ACOT7: variants seen among roughly 807,000 people sequenced by gnomAD.
ACOT7 encodes the protein cytosolic acyl coenzyme A thioester hydrolase.
ACOT7 carries 12 observed loss-of-function variants against 40.2 expected under a neutral mutation model. The observed-to-expected ratio is 0.30, with a 90% confidence interval of 0.19 to 0.48. The LOEUF is 0.48. Among genes scored for constraint, ACOT7 ranks in the 20% least tolerant of loss-of-function variants. The pLI is 0.99. For synonymous variants in ACOT7, 228 were observed against 219.5 expected, an observed-to-expected ratio of 1.04 and a Z score of -0.34; for missense variants, 395 against 530.8, an observed-to-expected ratio of 0.74 and a Z score of 2.51.
intron 5 of ACOT7, among the ~76,000 whole-genome samples, chr1:6,326,868 G>A (rs1167014412): frequency 6.6e-6 from 1 of 151,232 alleles, no homozygotes; most frequent in Non-Finnish European, 1.5e-5. Flanking sequence ...GGAGGCAGAG[G>A]CTGCAGTGAG....
intron 1 of ACOT7, among the ~76,000 whole-genome samples, chr1:6,364,120 G>A (rs1463055372): frequency 2.0e-5 from 3 of 152,208 alleles, no homozygotes; most frequent in Non-Finnish European, 4.4e-5. Context: ...GGGAGGCTGA[G>A]GCAGGAGGAT....
chr1:6,265,427 C>A (rs1203964252), intron 8 of ACOT7, among the ~76,000 whole-genome samples: 2 of 152,186 alleles, frequency 1.3e-5, no homozygotes, highest in East Asian at 3.9e-4. Flanking sequence ...TGGGAGGGAG[C>A]CCTGTCACCA....
At chr1:6,360,025 TA>T (rs931397188) in intron 1 of ACOT7, among the ~76,000 whole-genome samples, 12 of 152,350 alleles carry the variant, frequency 7.9e-5, no homozygotes, top group Middle Eastern at 3.4e-3. Context: ...GTCACTCTGG[TA>T]AAAGTTAAAT....
intron 8 of ACOT7, among the ~76,000 whole-genome samples, chr1:6,273,367 T>A (rs558294770): frequency 1.8e-4 from 27 of 152,332 alleles, no homozygotes; most frequent in African/African-American, 6.3e-4. Context: ...CCACCGGATG[T>A]TCCTAAGCGC....
rs142944578 is a variant in ACOT7 at position 6,327,710 on chromosome 1, T to C, written c.511-297A>G. On this transcript the variant is annotated intron_variant, in intron 4 of 8. Coordinates refer to ENST00000361521, the MANE Select transcript of ACOT7 (RefSeq NM_007274.4). ...TGTATGTGGAGCTTAAAAGCAACCGTGTATCTATTTAACGTAATTTTTGTA... is the reference window on the plus strand; with the variant it reads ...TGTATGTGGAGCTTAAAAGCAACCGCGTATCTATTTAACGTAATTTTTGTA... Among the ~76,000 whole-genome samples, 848 of 152,254 alleles carry C rather than the reference T, an allele frequency of 5.6e-3. 4 individuals are homozygous for C. The highest frequency in any genetic ancestry group is 0.02 in the Middle Eastern group (6 of 294).
intron 5 of ACOT7, among the ~76,000 whole-genome samples, chr1:6,321,278 T>C (rs939079968): frequency 1.7e-4 from 26 of 152,280 alleles, no homozygotes; most frequent in Non-Finnish European, 3.4e-4. Flanking sequence ...AGTCAAAAGC[T>C]TTTTTTCAGT....
rs1023415696 is a variant in ACOT7, at chr1:6,275,514, C to T, written c.1014+5588G>A. On this transcript the variant is annotated intron_variant, in intron 8 of 8. Transcript: ENST00000361521. This position sits in a 1 kb window ranked among gnomAD's most constrained non-coding sequence, Gnocchi z 5.6. The stretch of plus-strand genomic sequence containing the variant: ...TTGGGAGGCCGAGGCAGGTGGATCA[C>T]GAGACCAGCCTGGCCAACATGGTGA... Among the ~76,000 whole-genome samples, 30 of 152,126 alleles carry T rather than the reference C, an allele frequency of 2.0e-4. No homozygotes were observed. The highest frequency in any genetic ancestry group is 6.0e-4 in the African/African-American group (25 of 41,510).
intron 1 of ACOT7, among the ~76,000 whole-genome samples, chr1:6,390,343 G>A (rs990942028): frequency 5.9e-5 from 9 of 152,088 alleles, no homozygotes; most frequent in African/African-American, 2.4e-5. Flanking sequence ...AGGCCGAGGC[G>A]GGCAGATCAT....
At chr1:6,334,488 A>G (rs1641046683) in intron 3 of ACOT7, among the ~76,000 whole-genome samples, 1 of 152,266 alleles carries the variant, frequency 6.6e-6, no homozygotes, top group African/African-American at 2.4e-5. Flanking sequence ...AGCCCAAAGC[A>G]CAGAGCAGCG....
chr1:6,325,141 G>C lies in ACOT7; in HGVS notation c.625+2158C>G, dbSNP rs111550081. Among the ~76,000 whole-genome samples the C allele has an allele frequency of 8.2e-3, 1,248 of 152,338 alleles. 8 individuals are homozygous for C. Among genetic ancestry groups the C allele is most frequent in the South Asian group, 0.017 (80 of 4,830 alleles). On this transcript the variant is annotated intron_variant, in intron 5 of 8. Transcript: ENST00000361521. ...CAGCCGGGCGCAGTGGCTCACGTCT[G>C]TAATCCCAGCTCTTTGGGAGGCCGA...
chr1:6,315,787 G>A (rs1490290626), intron 6 of ACOT7, among the ~76,000 whole-genome samples: 2 of 146,144 alleles, frequency 1.4e-5, no homozygotes, highest in Non-Finnish European at 1.5e-5. Flanking sequence ...AAAGAGAGAA[G>A]GTTAAGCTTG....
chr1:6,323,130 C>CA (rs913853563), intron 5 of ACOT7, among the ~76,000 whole-genome samples: 61 of 144,926 alleles, frequency 4.2e-4, no homozygotes, highest in East Asian at 1.6e-3. Flanking sequence ...AACGCCGTCT[C>CA]AAAAAAAAAA....
At chr1:6,337,495 C>T (rs1030660503) in intron 3 of ACOT7, among the ~76,000 whole-genome samples, 5 of 152,342 alleles carry the variant, frequency 3.3e-5, no homozygotes, top group South Asian at 4.1e-4. Context: ...CATCCACTAT[C>T]GGTTCCATAT....
At position 6,278,080 on chromosome 1, in the gene ACOT7, G is replaced by C. The variant is rs534447470; in HGVS notation, c.1014+3022C>G. Among the ~76,000 whole-genome samples the C allele has an allele frequency of 1.3e-3, 203 of 150,818 alleles. No homozygotes were observed. Among genetic ancestry groups the C allele is most frequent in the African/African-American group, 4.7e-3 (194 of 40,968 alleles). On this transcript the variant is annotated intron_variant, in intron 8 of 8. Coordinates refer to ENST00000361521, the MANE Select transcript of ACOT7 (RefSeq NM_007274.4). This position sits in a 1 kb window ranked among gnomAD's most constrained non-coding sequence, Gnocchi z 4.1. ...TGACAGTCCACGCAGCGTCTGCAGT[G>C]GCGGGGGGTGGTTGGGAGGGGGTCT...
chr1:6,304,365 G>A (rs1438584968), intron 6 of ACOT7, among the ~76,000 whole-genome samples: 4 of 146,564 alleles, frequency 2.7e-5, no homozygotes, highest in South Asian at 4.3e-4. Flanking sequence ...ACCCCCATCC[G>A]ACCCGTACAC....
chr1:6,389,674 C>T (rs1642500991), intron 1 of ACOT7, among the ~76,000 whole-genome samples: 1 of 151,478 alleles, frequency 6.6e-6, no homozygotes, highest in African/African-American at 2.4e-5. Context: ...ATCCCAACTA[C>T]TCAGGAGGCT....
At chr1:6,321,918 C>T (rs142299715) in intron 5 of ACOT7, among the ~76,000 whole-genome samples, 4 of 152,360 alleles carry the variant, frequency 2.6e-5, no homozygotes, top group African/African-American at 7.2e-5. Flanking sequence ...CAGAGCCCCA[C>T]TCCTCGTGGT....
At chr1:6,349,386 T>C (rs1294187387) in intron 2 of ACOT7, among the ~76,000 whole-genome samples, 2 of 152,240 alleles carry the variant, frequency 1.3e-5, no homozygotes, top group Non-Finnish European at 2.9e-5. Context: ...ATCTGCTGTC[T>C]GGCCTCTTAT....
At chr1:6,313,043 C>T (rs1553157906) in intron 6 of ACOT7, among the ~76,000 whole-genome samples, 1 of 152,106 alleles carries the variant, frequency 6.6e-6, no homozygotes, top group Non-Finnish European at 1.5e-5. Flanking sequence ...GTTCTTGGGC[C>T]CCTTCCTACC....
Sources: gnomAD v4.1 joint callset for allele counts (sites outside exome capture counted in the v4.1 genomes callset) on GRCh38, gnomAD v4.1.1 for gene constraint, Gnocchi (gnomAD v3.1) non-coding constraint, MANE v1.5 for transcripts, NCBI Gene and HGNC (gene_info 2026-07-23, HGNC 2026-07-21) for gene names.